Variants in ANKUB1 observed in about 807,000 individuals in gnomAD.
The protein encoded by ANKUB1 is ankyrin repeat and ubiquitin domain containing 1.
A neutral mutation model predicts 49.3 loss-of-function variants in ANKUB1; 42 were observed. That is an observed-to-expected ratio of 0.85 (90% CI 0.67 to 1.10). The LOEUF (loss-of-function observed/expected upper bound fraction) is 1.10, where lower values mean the gene tolerates loss of function less well. ANKUB1 is among the 50% of genes least tolerant of loss of function. ANKUB1 has a pLI of 0.00. For synonymous variants in ANKUB1, 222 were observed against 231.0 expected (o/e 0.96, Z 0.35); for missense variants, 613 against 642.0 (o/e 0.95, Z 0.49).
At chr3:149,788,635 G>C (rs556343944) in intron 2 of ANKUB1, among the ~76,000 whole-genome samples, 5 of 152,112 alleles carry the variant, frequency 3.3e-5, no homozygotes, top group Admixed American at 1.3e-4. Flanking sequence ...AGAGTTCAGC[G>C]TGAAGCTTGC....
intron 4 of ANKUB1, among the ~76,000 whole-genome samples, chr3:149,768,498 C>G (rs1222306086): frequency 1.3e-5 from 2 of 152,172 alleles, no homozygotes; most frequent in South Asian, 2.1e-4. Context: ...AATTCAATAC[C>G]CAGTTCTGCC....
chr3:149,781,132 T>C (rs2108275679), intron 2 of ANKUB1, among the ~76,000 whole-genome samples: 1 of 152,190 alleles, frequency 6.6e-6, no homozygotes, highest in South Asian at 2.1e-4. Context: ...GGCCTACTTT[T>C]ACTGTTTAAA....
chr3:149,770,724 G>T, intron 3 of ANKUB1, 50 bp from the exon 4 acceptor site: 1 of 1,170,632 alleles, frequency 8.5e-7, no homozygotes, highest in Non-Finnish European at 1.2e-6. Flanking sequence ...AGTGTGGTTT[G>T]ACAATCCATA....
In ANKUB1 at chr3:149,761,498, C is replaced by T. The variant is rs1221000870; in HGVS notation, c.1621G>A (p.Glu541Lys). 3.2e-6 allele frequency: 5 copies of T among 1,551,332 alleles called. No homozygotes were observed. In the Admixed American group the frequency reaches 9.8e-5, roughly 30 times the overall value. ...GTCATGACTTTTCAAAGCACAGTTT[C>T]TAGAGAGTTTTCACACGCTGTCAGA... ...GGLTACENSL[E>K]TVL is the part of the protein sequence containing the mutation. The change falls in exon 6 of 6, where the codon GAA (glutamate) becomes AAA (lysine). Residue 541 changes from glutamate to lysine, a missense_variant. Coordinates refer to ENST00000446160, the MANE Select transcript of ANKUB1 (RefSeq NM_001144960.3).
intron 2 of ANKUB1, among the ~76,000 whole-genome samples, chr3:149,788,433 G>T (rs1370015290): frequency 3.3e-5 from 5 of 151,824 alleles, no homozygotes; most frequent in African/African-American, 7.3e-5. Flanking sequence ...CACAGGCTGG[G>T]TTCAATTGAT....
At chr3:149,768,570 C>T (rs1048701869) in intron 4 of ANKUB1, among the ~76,000 whole-genome samples, 2 of 144,046 alleles carry the variant, frequency 1.4e-5, no homozygotes, top group African/African-American at 5.1e-5. Flanking sequence ...CAGACAGAGT[C>T]TTGCTCTGTT....
At chr3:149,770,984 T>C (rs921746293) in intron 3 of ANKUB1, among the ~76,000 whole-genome samples, 2 of 152,236 alleles carry the variant, frequency 1.3e-5, no homozygotes, top group African/African-American at 4.8e-5. Flanking sequence ...TATATTACCA[T>C]GTAAACTGAA....
intron 4 of ANKUB1, 100 bp downstream of exon 4, chr3:149,770,460 C>T: frequency 2.4e-6 from 2 of 826,210 alleles, no homozygotes; most frequent in East Asian, 2.7e-5. Flanking sequence ...TAGAGCAGCA[C>T]CCCAGCTGTA....
At chr3:149,763,385 A>G (rs961165292) in intron 5 of ANKUB1, among the ~76,000 whole-genome samples, 1 of 152,234 alleles carries the variant, frequency 6.6e-6, no homozygotes, top group Non-Finnish European at 1.5e-5. Context: ...TTACCTTAAG[A>G]AAAAGATGCG....
intron 2 of ANKUB1, among the ~76,000 whole-genome samples, chr3:149,789,181 TC>T (rs1173881928): frequency 6.6e-6 from 1 of 152,158 alleles, no homozygotes; most frequent in Non-Finnish European, 1.5e-5. Flanking sequence ...AAAAATAAAA[TC>T]AGTCCTTAGT....
intron 3 of ANKUB1, among the ~76,000 whole-genome samples, chr3:149,778,112 G>A (rs1433002468): frequency 1.3e-5 from 2 of 152,186 alleles, no homozygotes; most frequent in Non-Finnish European, 2.9e-5. Flanking sequence ...TGAGCTGGCT[G>A]CTTGAGGAAT....
At chr3:149,761,657 T>C in intron 5 of ANKUB1, 44 bp from the exon 6 acceptor site, 1 of 1,532,118 alleles carries the variant, frequency 6.5e-7, no homozygotes, top group Non-Finnish European at 8.8e-7. Context: ...TCTGATCTTG[T>C]CTGCATACAT....
chr3:149,768,208 CT>C, intron 4 of ANKUB1, 113 bp from the exon 5 acceptor site: 1 of 819,552 alleles, frequency 1.2e-6, no homozygotes, highest in Non-Finnish European at 1.7e-6. Context: ...TTCTTCTTAA[CT>C]TTTACCTTAA....
intron 2 of ANKUB1, among the ~76,000 whole-genome samples, chr3:149,787,059 CT>C (rs1718131396): frequency 6.6e-6 from 1 of 152,122 alleles, no homozygotes; most frequent in Non-Finnish European, 1.5e-5. Context: ...AATGCGGGCT[CT>C]TTTTTGGTTC....
intron 3 of ANKUB1, among the ~76,000 whole-genome samples, chr3:149,771,511 C>A (rs572591397): frequency 6.6e-6 from 1 of 152,306 alleles, no homozygotes; most frequent in African/African-American, 2.4e-5. Context: ...CCTTTTTATT[C>A]AGTTTTCACT....
At position 149,778,586 on chromosome 3, in the gene ANKUB1, T is replaced by A. The variant is rs192204076; in HGVS notation, c.451+1653A>T. The A allele has an allele frequency of 1.4e-4, 22 of 152,328 alleles. No individual in the cohort carries two copies. In the East Asian group the frequency reaches 4.2e-3, roughly 29 times the overall value. The allele number at this position is 152,328 out of a possible 1,614,324, so 9.4% of individuals were successfully genotyped here. A position where few individuals can be genotyped will look rare whatever the true frequency, so the allele number is the denominator to read the frequency against. The stretch of plus-strand genomic sequence containing the variant: ...TCAGTTAGTTGGGGACAAATGCCAC[T>A]GTGTGCCCTTCCTTATGTGAGCCCC... On this transcript the variant is annotated intron_variant, in intron 3 of 5. Coordinates refer to ENST00000446160, the MANE Select transcript of ANKUB1 (RefSeq NM_001144960.3).
intron 5 of ANKUB1, among the ~76,000 whole-genome samples, chr3:149,764,353 A>G (rs1178486656): frequency 6.6e-6 from 1 of 152,188 alleles, no homozygotes; most frequent in East Asian, 1.9e-4. Context: ...GGAAGGTGGA[A>G]CAGATCCTGG....
intron 4 of ANKUB1, among the ~76,000 whole-genome samples, chr3:149,769,429 TAAC>T (rs1390641018): frequency 1.3e-5 from 2 of 152,228 alleles, no homozygotes; most frequent in African/African-American, 4.8e-5. Context: ...TTCAGCCAAT[TAAC>T]AAGTGTTTTC....
chr3:149,778,697 T>C (rs973715496), intron 3 of ANKUB1: 1 of 152,198 alleles, frequency 6.6e-6, no homozygotes, highest in African/African-American at 2.4e-5. Flanking sequence ...GGAGAAATTG[T>C]AGAACTTCAC....
Sources: allele counts gnomAD v4.1 joint callset (sites outside exome capture counted in the v4.1 genomes callset), GRCh38; gene constraint gnomAD v4.1.1; transcripts MANE v1.5; gene names NCBI Gene and HGNC (gene_info 2026-07-23, HGNC 2026-07-21).